The following EXOC6B variants were observed in gnomAD, a reference collection of about 807,000 sequenced individuals.
The protein encoded by EXOC6B is exocyst complex component 6B.
In EXOC6B, 54 loss-of-function variants were observed where a neutral mutation model predicts 113.5. That is an observed-to-expected ratio of 0.48 (90% confidence interval 0.38 to 0.60). The LOEUF (loss-of-function observed/expected upper bound fraction) is 0.60, where lower values mean the gene tolerates loss of function less well. EXOC6B is among the 20% of genes least tolerant of loss of function. The pLI, the probability that EXOC6B is intolerant of heterozygous loss-of-function variation, is 0.00. For synonymous variants in EXOC6B, 357 were observed against 339.0 expected (o/e 1.05, Z -0.58); for missense variants, 797 against 977.5 (o/e 0.82, Z 2.46).
intron 18 of EXOC6B, among the ~76,000 whole-genome samples, chr2:72,401,560 T>C (rs1244975309): frequency 2.8e-5 from 1 of 35,912 alleles, no homozygotes; most frequent in African/African-American, 3.1e-4. Context: ...TATATATATA[T>C]ATATACATAT....
chr2:72,429,686 T>C (rs1695410872), intron 18 of EXOC6B, among the ~76,000 whole-genome samples: 1 of 152,194 alleles, frequency 6.6e-6, no homozygotes, highest in South Asian at 2.1e-4. Flanking sequence ...ACAGTTTTGG[T>C]TGTCACAAGT....
At chr2:72,650,992 CAG>C (rs2104401393) in intron 6 of EXOC6B, among the ~76,000 whole-genome samples, 1 of 151,874 alleles carries the variant, frequency 6.6e-6, no homozygotes, top group East Asian at 1.9e-4. Context: ...AAAAGAAAAA[CAG>C]ATATCTTGAA....
chr2:72,544,997 T>C (rs1241853317), intron 8 of EXOC6B, among the ~76,000 whole-genome samples: 1 of 152,110 alleles, frequency 6.6e-6, no homozygotes, highest in Non-Finnish European at 1.5e-5. Context: ...TGTGTTTATA[T>C]AAAAACCAAT....
In EXOC6B at chr2:72,185,897, C is replaced by G. The variant is rs555364804; in HGVS notation, c.2197-1710G>C. 1.1e-3 allele frequency among the ~76,000 whole-genome samples: 166 copies of G among 151,984 alleles called. 1 individual carries two copies. Among genetic ancestry groups the G allele is most frequent in the African/African-American group, 3.9e-3 (161 of 41,402 alleles). ...CCTAATGCTATCCCTCCCCCTCCCC[C>G]CAACCCCACGACAGGCCCCGGTGTG... On this transcript the variant is annotated intron_variant, in intron 20 of 21. Coordinates refer to ENST00000272427, the MANE Select transcript of EXOC6B (RefSeq NM_015189.3).
At chr2:72,717,169 G>A (rs912135420) in intron 6 of EXOC6B, among the ~76,000 whole-genome samples, 1 of 152,140 alleles carries the variant, frequency 6.6e-6, no homozygotes, top group Admixed American at 6.5e-5. Flanking sequence ...TGCATTCCCT[G>A]AGGAAAGGGT....
At chr2:72,200,820 T>A (rs1385823226) in intron 20 of EXOC6B, among the ~76,000 whole-genome samples, 1 of 152,164 alleles carries the variant, frequency 6.6e-6, no homozygotes, top group Non-Finnish European at 1.5e-5. Context: ...GGGAGTTTCG[T>A]TTTTTAATTA....
chr2:72,813,266 T>C (rs1401125398), intron 1 of EXOC6B, among the ~76,000 whole-genome samples: 1 of 151,880 alleles, frequency 6.6e-6, no homozygotes, highest in African/African-American at 2.4e-5. Context: ...ATTTTTGTTT[T>C]CTGTAGAGGC....
intron 7 of EXOC6B, among the ~76,000 whole-genome samples, chr2:72,562,053 C>A (rs905095476): frequency 6.6e-6 from 1 of 152,092 alleles, no homozygotes; most frequent in Non-Finnish European, 1.5e-5. Context: ...TCTATGCTCC[C>A]CTCTGTGAAG....
rs189642909 is a variant in EXOC6B at position 72,206,523 on chromosome 2, T to G, written c.2197-22336A>C. Among the ~76,000 whole-genome samples, 79 of 152,346 alleles carry G rather than the reference T, an allele frequency of 5.2e-4. No homozygotes were observed. In the Middle Eastern group the frequency reaches 0.01, roughly 20 times the overall value. ...AAGCACTATATCACATATTTTTCTA[T>G]TCTTCCAGTGTTTGTGCCTCACAGT... On this transcript the variant is annotated intron_variant, in intron 20 of 21. Transcript: ENST00000272427.
intron 19 of EXOC6B, among the ~76,000 whole-genome samples, chr2:72,337,242 G>A (rs1688742165): frequency 6.6e-6 from 1 of 152,100 alleles, no homozygotes; most frequent in South Asian, 2.1e-4. Context: ...GGATTGTTAG[G>A]TGATCAGCTA....
chr2:72,625,794 G>GATT lies in EXOC6B; in HGVS notation c.670-50129_670-50127dup, dbSNP rs112670793. Among the ~76,000 whole-genome samples, 8 of 152,222 alleles carry GATT rather than the reference G, an allele frequency of 5.3e-5. 1 individual carries two copies. Among genetic ancestry groups the GATT allele is most frequent in the African/African-American group, 1.9e-4 (8 of 41,544 alleles). On this transcript the variant is annotated intron_variant, in intron 6 of 21. Coordinates refer to ENST00000272427, the MANE Select transcript of EXOC6B (RefSeq NM_015189.3). ...CTAGTGCTACAAGACCACCACAGCG[G>GATT]ATTATTACAAACCTATGTTCAGGAA...
chr2:72,529,330 G>A (rs1701884157), intron 8 of EXOC6B, among the ~76,000 whole-genome samples: 1 of 151,980 alleles, frequency 6.6e-6, no homozygotes. Context: ...ACCTGACTTG[G>A]TCATATATTC....
chr2:72,492,618 T>C (rs534842594), intron 15 of EXOC6B, among the ~76,000 whole-genome samples, 189 bp from the exon 16 acceptor site: 2 of 152,096 alleles, frequency 1.3e-5, no homozygotes, highest in East Asian at 3.9e-4. Context: ...AAAAATAGTT[T>C]GCCTTCATTT....
intron 18 of EXOC6B, among the ~76,000 whole-genome samples, chr2:72,457,899 A>G (rs151120482): frequency 4.6e-5 from 7 of 152,256 alleles, no homozygotes; most frequent in Non-Finnish European, 1.0e-4. Flanking sequence ...ACCACTGCCT[A>G]TCTAACAATG....
intron 16 of EXOC6B, among the ~76,000 whole-genome samples, chr2:72,491,444 A>G (rs1025038601): frequency 2.0e-5 from 3 of 152,014 alleles, no homozygotes; most frequent in Non-Finnish European, 4.4e-5. Context: ...TTAAATGTCA[A>G]TTTTTTCCTA....
chr2:72,584,439 A>G (rs545604013), intron 6 of EXOC6B, among the ~76,000 whole-genome samples: 2 of 152,234 alleles, frequency 1.3e-5, no homozygotes, highest in Admixed American at 6.5e-5. Context: ...AATGACGAAA[A>G]GTTCAATTCA....
intron 20 of EXOC6B, among the ~76,000 whole-genome samples, chr2:72,234,104 T>A (rs1461063901): frequency 1.4e-5 from 2 of 147,526 alleles, no homozygotes; most frequent in South Asian, 2.1e-4. Flanking sequence ...TTTTTTTTTT[T>A]AAGACAGAGT....
At chr2:72,540,488 T>C (rs1702539781) in intron 8 of EXOC6B, among the ~76,000 whole-genome samples, 2 of 152,240 alleles carry the variant, frequency 1.3e-5, no homozygotes, top group South Asian at 4.1e-4. Flanking sequence ...TTATGTTATA[T>C]GTATCATATC....
intron 20 of EXOC6B, among the ~76,000 whole-genome samples, chr2:72,204,879 C>T (rs1679737386): frequency 6.6e-6 from 1 of 152,076 alleles, no homozygotes; most frequent in East Asian, 1.9e-4. Flanking sequence ...AAAGAGAAAA[C>T]ATTGCATAGG....
Sources: gnomAD v4.1 joint callset for allele counts (sites outside exome capture counted in the v4.1 genomes callset) on GRCh38, gnomAD v4.1.1 for gene constraint, MANE v1.5 for transcripts, NCBI Gene and HGNC (gene_info 2026-07-23, HGNC 2026-07-21) for gene names.